ESRRB: variants seen among roughly 807,000 people sequenced by gnomAD.
ESRRB encodes the protein steroid hormone receptor ERR2.
In ESRRB, 16 loss-of-function variants were observed where a neutral mutation model predicts 46.0. The ratio of observed to expected loss-of-function variants is 0.35; its 90% CI spans 0.24 to 0.53. The LOEUF is 0.53. Ranked by LOEUF, ESRRB falls within the 20% of genes least tolerant of loss-of-function variation. ESRRB has a pLI of 0.93. For synonymous variants in ESRRB, 246 were observed against 259.6 expected (o/e 0.95, Z 0.50); for missense variants, 488 against 607.4 (o/e 0.80, Z 2.07).
chr14:76,419,018 C>CTT (rs869269538), intron 1 of ESRRB, among the ~76,000 whole-genome samples: 1 of 143,916 alleles, frequency 6.9e-6, no homozygotes. Context: ...AGCCTGTAAA[C>CTT]TTTTTTTTTT....
intron 5 of ESRRB, among the ~76,000 whole-genome samples, chr14:76,486,815 C>A (rs1890040976): frequency 6.6e-6 from 1 of 152,142 alleles, no homozygotes; most frequent in African/African-American, 2.4e-5. Flanking sequence ...ACGGGGCACC[C>A]CCAGACCCTC....
At chr14:76,371,140 C>A (rs140339964), upstream of ESRRB, among the ~76,000 whole-genome samples, 1 of 152,178 alleles carries the variant, frequency 6.6e-6, no homozygotes, top group Non-Finnish European at 1.5e-5. Context: ...TGGCCCATTA[C>A]GGCTTCAGGA....
chr14:76,495,811 T>G (rs978629347), intron 6 of ESRRB, among the ~76,000 whole-genome samples: 3 of 152,212 alleles, frequency 2.0e-5, no homozygotes, highest in Admixed American at 6.5e-5. Context: ...TTTTAAATTT[T>G]TATATATAAC....
At chr14:76,388,021 G>T (rs981739115) in intron 1 of ESRRB, among the ~76,000 whole-genome samples, 5 of 152,104 alleles carry the variant, frequency 3.3e-5, no homozygotes, top group Admixed American at 1.3e-4. Flanking sequence ...CACAGGTAAA[G>T]AAACTGAGGT....
chr14:76,344,510 G>C (rs1371068699), intron 1 of ESRRB, among the ~76,000 whole-genome samples: 1 of 151,894 alleles, frequency 6.6e-6, no homozygotes, highest in Non-Finnish European at 1.5e-5. Flanking sequence ...ATATCAGTGA[G>C]AACATATGAT....
chr14:76,319,728 T>C (rs184576058), intron 1 of ESRRB, among the ~76,000 whole-genome samples: 1 of 152,256 alleles, frequency 6.6e-6, no homozygotes, highest in Non-Finnish European at 1.5e-5. Flanking sequence ...TCTTGATTAG[T>C]AGAAACATGG....
chr14:76,469,105 T>A (rs1889249895), intron 3 of ESRRB, among the ~76,000 whole-genome samples: 1 of 152,134 alleles, frequency 6.6e-6, no homozygotes, highest in Non-Finnish European at 1.5e-5. Context: ...TATTTATTTT[T>A]TTTTCTGAGA....
intron 3 of ESRRB, among the ~76,000 whole-genome samples, chr14:76,474,903 C>G (rs1020431273): frequency 4.0e-5 from 6 of 151,588 alleles, no homozygotes; most frequent in African/African-American, 1.5e-4. Flanking sequence ...GCCTGGGCAA[C>G]ATAGTGAGAT....
chr14:76,335,764 C>A (rs1884119571), intron 1 of ESRRB, among the ~76,000 whole-genome samples: 1 of 152,166 alleles, frequency 6.6e-6, no homozygotes, highest in African/African-American at 2.4e-5. Context: ...TGGACTTTTA[C>A]CTGCTGGGCT....
chr14:76,374,433 T>C (rs988347771), upstream of ESRRB, among the ~76,000 whole-genome samples: 1 of 152,042 alleles, frequency 6.6e-6, no homozygotes, highest in Non-Finnish European at 1.5e-5. Context: ...GCAGGGGCTG[T>C]GGAGAGGAAC....
intron 2 of ESRRB, among the ~76,000 whole-genome samples, chr14:76,447,994 ACT>A (rs1225420572): frequency 1.3e-5 from 2 of 151,346 alleles, no homozygotes; most frequent in Non-Finnish European, 2.9e-5. Flanking sequence ...GTCTCATGCC[ACT>A]CTCTTTTGCA....
chr14:76,476,797 T>C (rs1044165535), intron 3 of ESRRB, among the ~76,000 whole-genome samples: 1 of 152,232 alleles, frequency 6.6e-6, no homozygotes, highest in South Asian at 2.1e-4. Flanking sequence ...AGCCATGTCA[T>C]GGCTGCAAGG....
At chr14:76,378,980 A>G (rs1884896521) in intron 1 of ESRRB, among the ~76,000 whole-genome samples, 1 of 152,154 alleles carries the variant, frequency 6.6e-6, no homozygotes, top group Admixed American at 6.5e-5. Context: ...ACATTCCCAG[A>G]CTTGAGAAAA....
chr14:76,318,957 T>A (rs1228364078), intron 1 of ESRRB, among the ~76,000 whole-genome samples: 1 of 152,156 alleles, frequency 6.6e-6, no homozygotes, highest in Non-Finnish European at 1.5e-5. Flanking sequence ...CATGCTCTCA[T>A]CCTTTACAAT....
At chr14:76,372,225 A>G (rs1266080923), upstream of ESRRB, among the ~76,000 whole-genome samples, 2 of 152,150 alleles carry the variant, frequency 1.3e-5, no homozygotes, top group Non-Finnish European at 2.9e-5. Flanking sequence ...TGACATACTC[A>G]GTGCTTTTTG....
At chr14:76,374,084 C>T (rs551061822), upstream of ESRRB, among the ~76,000 whole-genome samples, 17 of 152,264 alleles carry the variant, frequency 1.1e-4, no homozygotes, top group African/African-American at 2.9e-4. Context: ...TCCTGGGCAG[C>T]GGCCTGTCAC....
chr14:76,479,279 T>C (rs1889713474), intron 3 of ESRRB, among the ~76,000 whole-genome samples: 1 of 152,012 alleles, frequency 6.6e-6, no homozygotes, highest in Non-Finnish European at 1.5e-5. Flanking sequence ...ATCTGACGCC[T>C]AGGCTTTCTT....
chr14:76,317,955 T>C (rs1883821511), intron 1 of ESRRB, among the ~76,000 whole-genome samples: 1 of 152,230 alleles, frequency 6.6e-6, no homozygotes, highest in African/African-American at 2.4e-5. Context: ...TTTCTTGTGC[T>C]GTGTGGCTTT....
intron 1 of ESRRB, among the ~76,000 whole-genome samples, chr14:76,397,412 T>G (rs1885737152): frequency 6.6e-6 from 1 of 152,214 alleles, no homozygotes; most frequent in Non-Finnish European, 1.5e-5. Context: ...CTCTGCCCTC[T>G]GATGCTACCC....
Sources: gnomAD v4.1 joint callset for allele counts (sites outside exome capture counted in the v4.1 genomes callset) on GRCh38, gnomAD v4.1.1 for gene constraint, MANE v1.5 for transcripts, NCBI Gene and HGNC (gene_info 2026-07-23, HGNC 2026-07-21) for gene names.